CLDN10: variants seen among roughly 807,000 people sequenced by gnomAD.
The protein encoded by CLDN10 is claudin-10.
In CLDN10, 15 loss-of-function variants were observed where a neutral mutation model predicts 22.9. The observed-to-expected ratio is 0.65, with a 90% CI of 0.44 to 1.01. CLDN10 has a LOEUF of 1.01. Ranked by LOEUF, CLDN10 falls within the 50% of genes least tolerant of loss-of-function variation. CLDN10 has a pLI of 0.00. For synonymous variants in CLDN10, 114 were observed against 111.4 expected (o/e 1.02, Z -0.15); for missense variants, 247 against 287.8 (o/e 0.86, Z 1.03).
At chr13:95,552,685 G>T (rs1163365662), upstream of CLDN10, 3 of 1,483,578 alleles carry the variant, frequency 2.0e-6, no homozygotes, top group Admixed American at 2.2e-5. Context: ...GCGGAGCCCC[G>T]GGGTTGGGAG....
chr13:95,436,447 C>T (rs997990173), intron 1 of CLDN10, among the ~76,000 whole-genome samples: 12 of 152,164 alleles, frequency 7.9e-5, no homozygotes, highest in African/African-American at 2.7e-4. Flanking sequence ...GGCCTCTTAA[C>T]GTGCTGGGAT....
chr13:95,522,556 T>G (rs1043256679), intron 1 of CLDN10, among the ~76,000 whole-genome samples: 2 of 152,070 alleles, frequency 1.3e-5, no homozygotes, highest in African/African-American at 4.8e-5. Flanking sequence ...ATTCAAAATG[T>G]GATTCTTGGG....
intron 1 of CLDN10, among the ~76,000 whole-genome samples, chr13:95,556,161 T>A (rs1250320033): frequency 6.6e-6 from 1 of 152,090 alleles, no homozygotes; most frequent in East Asian, 1.9e-4. Flanking sequence ...TTCTCCTGCC[T>A]CAGCCTCCTG....
intron 1 of CLDN10, among the ~76,000 whole-genome samples, chr13:95,463,641 A>T (rs530163565): frequency 3.4e-4 from 52 of 151,978 alleles, no homozygotes; most frequent in Middle Eastern, 3.4e-3. Flanking sequence ...CCTTAACTAT[A>T]CTTTAAAGCA....
At chr13:95,557,512 C>G (rs1434160604) in intron 1 of CLDN10, among the ~76,000 whole-genome samples, 1 of 152,150 alleles carries the variant, frequency 6.6e-6, no homozygotes, top group Non-Finnish European at 1.5e-5. Flanking sequence ...AGTTTATCCC[C>G]TGCTCTTTGC....
chr13:95,504,409 C>T lies in CLDN10; in HGVS notation c.215-55723C>T, dbSNP rs148536903. On this transcript the variant is annotated intron_variant, in intron 1 of 4. Coordinates refer to the CLDN10 transcript ENST00000376873. ...TTATTTTATTTTTTTGAGACAGAGT[C>T]TCACTCTGTCACCCAGGTGGAGTGC... 7.2e-3 allele frequency among the ~76,000 whole-genome samples: 1,093 copies of T among 152,186 alleles called. 4 individuals carry two copies. The highest frequency in any genetic ancestry group is 0.012 in the Non-Finnish European group (847 of 68,016).
intron 3 of CLDN10, among the ~76,000 whole-genome samples, chr13:95,572,609 T>A (rs2138681614): frequency 6.6e-6 from 1 of 152,318 alleles, no homozygotes; most frequent in East Asian, 1.9e-4. Flanking sequence ...CTATGGACAT[T>A]GACTTGAACC....
In CLDN10 at chr13:95,578,111, CTA is replaced by C; in HGVS notation, c.*99_*100del. 1.6e-6 allele frequency: 1 copy of C among 638,136 alleles called. No individual in the cohort carries two copies. The highest frequency in any genetic ancestry group is 2.7e-6 in the Non-Finnish European group (1 of 365,076). 39.5% of individuals were successfully genotyped at this position (638,136 alleles called of 1,614,324 possible). On this transcript the variant is annotated 3_prime_UTR_variant, in exon 5 of 5. Coordinates refer to ENST00000299339, the MANE Select transcript of CLDN10 (RefSeq NM_006984.5). ...GCCCTCCCATAATTAACACTCAAAA[CTA>C]TTTTTAAAATATGCATTTGAAGCAT...
chr13:95,545,060 G>C (rs1194370098), intron 1 of CLDN10, among the ~76,000 whole-genome samples: 1 of 152,002 alleles, frequency 6.6e-6, no homozygotes, highest in Non-Finnish European at 1.5e-5. Flanking sequence ...TTGCAGGTGT[G>C]AGCCACTGTG....
chr13:95,481,884 T>G (rs1403541126), intron 1 of CLDN10, among the ~76,000 whole-genome samples: 3 of 152,046 alleles, frequency 2.0e-5, no homozygotes. Context: ...CTGGGTGTGG[T>G]GGTGCATGTC....
At chr13:95,518,383 C>G (rs923929215) in intron 1 of CLDN10, among the ~76,000 whole-genome samples, 1 of 152,098 alleles carries the variant, frequency 6.6e-6, no homozygotes, top group Non-Finnish European at 1.5e-5. Flanking sequence ...ATCATATCCA[C>G]AATTATTTAC....
chr13:95,504,509 A>G (rs573334984), intron 1 of CLDN10, among the ~76,000 whole-genome samples: 65 of 152,042 alleles, frequency 4.3e-4, no homozygotes, highest in Non-Finnish European at 6.5e-4. Context: ...CCTCCTGAGT[A>G]GCTGGAATTA....
rs565308045 is a variant in CLDN10 at position 95,579,240 on chromosome 13, G to A, written c.*1226G>A. 2 of 152,118 alleles carry A rather than the reference G, an allele frequency of 1.3e-5. No homozygotes were observed. Among genetic ancestry groups the A allele is most frequent in the Non-Finnish European group, 2.9e-5 (2 of 68,028 alleles). The allele number at this position is 152,118 out of a possible 1,614,324, so 9.4% of individuals were successfully genotyped here. ...GGTGTGTCTTCCAGAACCTGTTTACGGCTAACTGGATAACTGAGAGACTTG... is the reference window on the plus strand; with the variant it reads ...GGTGTGTCTTCCAGAACCTGTTTACAGCTAACTGGATAACTGAGAGACTTG... On this transcript the variant is annotated 3_prime_UTR_variant, in exon 5 of 5. Transcript: ENST00000299339.
chr13:95,478,742 A>C (rs548902578), intron 1 of CLDN10, among the ~76,000 whole-genome samples: 1 of 152,280 alleles, frequency 6.6e-6, no homozygotes, highest in South Asian at 2.1e-4. Flanking sequence ...TGGCGGTTTC[A>C]TTAAGGTTCC....
intron 1 of CLDN10, among the ~76,000 whole-genome samples, chr13:95,487,254 C>T (rs1030888633): frequency 6.6e-6 from 1 of 152,216 alleles, no homozygotes; most frequent in Non-Finnish European, 1.5e-5. Flanking sequence ...GTTTGCAGGA[C>T]TTACTTTTCT....
chr13:95,438,296 G>A (rs1207867394), intron 1 of CLDN10, among the ~76,000 whole-genome samples: 3 of 152,158 alleles, frequency 2.0e-5, no homozygotes, highest in East Asian at 1.9e-4. Flanking sequence ...GTAAAGACAG[G>A]GTCTTGTGAT....
At chr13:95,512,520 T>C (rs1277498215) in intron 1 of CLDN10, among the ~76,000 whole-genome samples, 1 of 152,008 alleles carries the variant, frequency 6.6e-6, no homozygotes, top group African/African-American at 2.4e-5. Flanking sequence ...GGATAGCGAG[T>C]GTTTTAACTT....
chr13:95,544,363 G>C (rs1326173937), intron 1 of CLDN10, among the ~76,000 whole-genome samples: 1 of 152,038 alleles, frequency 6.6e-6, no homozygotes, highest in Non-Finnish European at 1.5e-5. Flanking sequence ...AACTCTATAG[G>C]ATTACATATA....
intron 1 of CLDN10, among the ~76,000 whole-genome samples, chr13:95,451,467 G>C (rs1171376383): frequency 6.6e-6 from 1 of 152,146 alleles, no homozygotes; most frequent in East Asian, 1.9e-4. Flanking sequence ...GTCTCGCTCT[G>C]TCACCCAGGC....
Sources: allele counts gnomAD v4.1 joint callset (sites outside exome capture counted in the v4.1 genomes callset), GRCh38; gene constraint gnomAD v4.1.1; transcripts MANE v1.5; gene names NCBI Gene and HGNC (gene_info 2026-07-23, HGNC 2026-07-21).